FAM13A: variants seen among roughly 807,000 people sequenced by gnomAD.
The protein encoded by FAM13A is family with sequence similarity 13 member A.
In FAM13A, 76 loss-of-function variants were observed where a neutral mutation model predicts 129.6. The observed-to-expected ratio is 0.59, with a 90% CI of 0.49 to 0.71. FAM13A has a LOEUF of 0.71. Ranked by LOEUF, FAM13A falls within the 30% of genes least tolerant of loss-of-function variation. The pLI, the probability that FAM13A is intolerant of heterozygous loss-of-function variation, is 0.00. For synonymous variants in FAM13A, 443 were observed against 449.9 expected, an observed-to-expected ratio of 0.98 and a Z score of 0.20; for missense variants, 1,108 against 1,249.3, an observed-to-expected ratio of 0.89 and a Z score of 1.70.
At position 88,891,027 on chromosome 4, in the gene FAM13A, A is replaced by G. The variant is rs1273250163; in HGVS notation, c.843+15352T>C. ...AAAAACAAAAACATCAAAAACAAAT[A>G]AGCCAATAAACACTACCAGACCCAG... On this transcript the variant is annotated intron_variant, in intron 6 of 23. Coordinates refer to ENST00000264344, the MANE Select transcript of FAM13A (RefSeq NM_014883.4). 2.6e-5 allele frequency among the ~76,000 whole-genome samples: 4 copies of G among 152,110 alleles called. No individual in the cohort carries two copies. The South Asian group carries it at 8.4e-4, about 32-fold the overall frequency.
intron 4 of FAM13A, among the ~76,000 whole-genome samples, chr4:88,954,356 C>T (rs1286324594): frequency 6.6e-6 from 1 of 152,296 alleles, no homozygotes; most frequent in South Asian, 2.1e-4. Context: ...GAATACTTTT[C>T]TCTGCAGTAA....
intron 3 of FAM13A, among the ~76,000 whole-genome samples, chr4:88,993,890 C>T (rs551972680): frequency 6.6e-6 from 1 of 151,904 alleles, no homozygotes; most frequent in Non-Finnish European, 1.5e-5. Context: ...ACTCAGGAGG[C>T]TGAGGCAGGA....
chr4:88,799,259 A>G (rs1198652192), intron 8 of FAM13A, among the ~76,000 whole-genome samples: 1 of 152,202 alleles, frequency 6.6e-6, no homozygotes, highest in Non-Finnish European at 1.5e-5. Context: ...TAGAATCCTG[A>G]CCAATGAGAC....
chr4:88,729,682 G>A (rs1376911692), intron 23 of FAM13A: 1 of 152,166 alleles, frequency 6.6e-6, no homozygotes, highest in Non-Finnish European at 1.5e-5. Flanking sequence ...TGGAACCAGA[G>A]CTTATCTCCT....
rs540936770 is a variant in FAM13A at position 89,011,177 on chromosome 4, C to T, written c.427+9283G>A. On this transcript the variant is annotated intron_variant, in intron 3 of 23. Transcript: ENST00000264344. ...TCATTATCTTAATAATTACCAGCTACGATGTTCTCTTCATGTTTTCTGTCT... is the reference window on the plus strand; with the variant it reads ...TCATTATCTTAATAATTACCAGCTATGATGTTCTCTTCATGTTTTCTGTCT... Among the ~76,000 whole-genome samples, 10 of 152,102 alleles carry T rather than the reference C, an allele frequency of 6.6e-5. No individual in the cohort carries two copies. In the East Asian group the frequency reaches 9.6e-4, roughly 15 times the overall value.
At chr4:88,857,020 T>C (rs1310361119) in intron 6 of FAM13A, among the ~76,000 whole-genome samples, 2 of 152,218 alleles carry the variant, frequency 1.3e-5, no homozygotes, top group African/African-American at 4.8e-5. Context: ...CTGCTGCTAC[T>C]CTCCTCATAG....
At chr4:89,037,222 T>C (rs977959328) in intron 1 of FAM13A, among the ~76,000 whole-genome samples, 2 of 152,174 alleles carry the variant, frequency 1.3e-5, no homozygotes, top group South Asian at 4.1e-4. Flanking sequence ...CTGTACCCTA[T>C]AGAGCCATAA....
At chr4:88,977,843 T>C (rs1372379963) in intron 4 of FAM13A, among the ~76,000 whole-genome samples, 1 of 152,176 alleles carries the variant, frequency 6.6e-6, no homozygotes, top group African/African-American at 2.4e-5. Flanking sequence ...AGGAAGACTA[T>C]ATATGGAGCA....
At chr4:88,811,193 G>C (rs1390787865) in intron 7 of FAM13A, among the ~76,000 whole-genome samples, 3 of 152,172 alleles carry the variant, frequency 2.0e-5, no homozygotes, top group Middle Eastern at 3.2e-3. Context: ...AATGGGTCTG[G>C]ATATGCCCAG....
intron 6 of FAM13A, among the ~76,000 whole-genome samples, chr4:88,877,702 TGAA>T (rs1742794367): frequency 6.6e-6 from 1 of 152,202 alleles, no homozygotes; most frequent in African/African-American, 2.4e-5. Flanking sequence ...ACATCTATAA[TGAA>T]GAAAAGTTAA....
chr4:88,830,875 A>G (rs886793367), intron 7 of FAM13A, among the ~76,000 whole-genome samples: 16 of 152,326 alleles, frequency 1.1e-4, no homozygotes, highest in Non-Finnish European at 1.9e-4. Context: ...CACAGAAAAT[A>G]AGATTCAAAA....
In FAM13A at chr4:88,818,841, G is replaced by A. The variant is rs1382460647; in HGVS notation, c.1008-13789C>T. Among the ~76,000 whole-genome samples the A allele has an allele frequency of 5.3e-5, 8 of 152,158 alleles. No homozygotes were observed. In the South Asian group the frequency reaches 6.2e-4, roughly 12 times the overall value. ...ATTAACTGAAAGGTGTCATCTCCAC[G>A]AGCAGCAGAGGGCTCTCTAACACCA... On this transcript the variant is annotated intron_variant, in intron 7 of 23. Transcript: ENST00000264344.
chr4:88,902,340 T>C (rs187609410), intron 6 of FAM13A, among the ~76,000 whole-genome samples: 110 of 152,246 alleles, frequency 7.2e-4, no homozygotes, highest in Admixed American at 1.6e-3. Flanking sequence ...CTGATGAACA[T>C]TGATGCAAAA....
At chr4:88,965,058 T>C (rs1348412808) in intron 4 of FAM13A, among the ~76,000 whole-genome samples, 2 of 152,198 alleles carry the variant, frequency 1.3e-5, no homozygotes, top group African/African-American at 4.8e-5. Context: ...CAACTCTACA[T>C]CTTTTACGTC....
At chr4:88,884,658 A>G (rs762496941) in intron 6 of FAM13A, among the ~76,000 whole-genome samples, 3 of 152,162 alleles carry the variant, frequency 2.0e-5, no homozygotes, top group Non-Finnish European at 4.4e-5. Flanking sequence ...GAGCAATTAG[A>G]CAAGAGAAAG....
chr4:89,029,910 A>G (rs1768467039), intron 1 of FAM13A: 1 of 436,730 alleles, frequency 2.3e-6, no homozygotes, highest in Non-Finnish European at 4.0e-6. Context: ...TGCCGTATCT[A>G]AGATATATTA....
intron 7 of FAM13A, among the ~76,000 whole-genome samples, chr4:88,834,560 A>G (rs1356842995): frequency 1.3e-5 from 2 of 152,200 alleles, no homozygotes; most frequent in South Asian, 2.1e-4. Context: ...CTCTAAATAT[A>G]TACAATAAAA....
intron 7 of FAM13A, among the ~76,000 whole-genome samples, chr4:88,826,834 C>CT (rs1291488508): frequency 1.3e-5 from 2 of 152,168 alleles, no homozygotes; most frequent in African/African-American, 4.8e-5. Context: ...TCATTTTCTC[C>CT]TTCCTCTGGA....
intron 13 of FAM13A, among the ~76,000 whole-genome samples, chr4:88,766,652 G>A (rs76129871): frequency 0.028 from 4,335 of 152,166 alleles, 192 homozygotes; most frequent in African/African-American, 0.098. Context: ...ACTCCATGGG[G>A]GAATAGACTG....
Sources: allele counts gnomAD v4.1 joint callset (sites outside exome capture counted in the v4.1 genomes callset), GRCh38; gene constraint gnomAD v4.1.1; transcripts MANE v1.5; gene names NCBI Gene and HGNC (gene_info 2026-07-23, HGNC 2026-07-21).